The following PCED1B variants were observed in gnomAD, a reference collection of about 807,000 sequenced individuals.
PCED1B encodes the protein PC-esterase domain-containing protein 1B.
For missense variants in PCED1B, 573 were observed against 573.9 expected, an observed-to-expected ratio of 1.00 and a Z score of 0.02; for synonymous variants, 251 against 246.1, an observed-to-expected ratio of 1.02 and a Z score of -0.19.
chr12:47,231,447 A>G (rs1943805296), intron 3 of PCED1B, among the ~76,000 whole-genome samples: 1 of 152,050 alleles, frequency 6.6e-6, no homozygotes, highest in South Asian at 2.1e-4. Context: ...CAGTAAGTTT[A>G]TTTATACAGC....
intron 2 of PCED1B, among the ~76,000 whole-genome samples, chr12:47,177,620 G>A (rs1290052699): frequency 6.6e-6 from 1 of 152,022 alleles, no homozygotes. Flanking sequence ...TGGGGTGGGG[G>A]GTGGCAACTA....
At chr12:47,161,383 A>G (rs1351167410) in intron 2 of PCED1B, among the ~76,000 whole-genome samples, 1 of 152,160 alleles carries the variant, frequency 6.6e-6, no homozygotes, top group East Asian at 1.9e-4. Flanking sequence ...ATTTCACCAC[A>G]TATGTGAGGG....
intron 2 of PCED1B, among the ~76,000 whole-genome samples, chr12:47,215,812 T>C: frequency 7.4e-6 from 1 of 135,014 alleles, no homozygotes; most frequent in South Asian, 2.3e-4. Context: ...CCCAGCACTT[T>C]GGGAGGCCAA....
At chr12:47,194,407 T>G in intron 2 of PCED1B, among the ~76,000 whole-genome samples, 1 of 152,180 alleles carries the variant, frequency 6.6e-6, no homozygotes, top group East Asian at 1.9e-4. Flanking sequence ...ACTCCTGACC[T>G]CGTGATCCAC....
At chr12:47,152,077 T>G (rs899571473) in intron 2 of PCED1B, among the ~76,000 whole-genome samples, 16 of 152,156 alleles carry the variant, frequency 1.1e-4, no homozygotes, top group African/African-American at 3.9e-4. Context: ...ATGATAGAAA[T>G]AGAAAATCAT....
chr12:47,175,044 A>G (rs1039196298), intron 2 of PCED1B, among the ~76,000 whole-genome samples: 2 of 152,222 alleles, frequency 1.3e-5, no homozygotes, highest in Non-Finnish European at 2.9e-5. Context: ...TATCTAGATA[A>G]TATACATCTA....
chr12:47,165,735 G>A (rs1941523876), intron 2 of PCED1B, among the ~76,000 whole-genome samples: 1 of 152,096 alleles, frequency 6.6e-6, no homozygotes. Flanking sequence ...TGGATTTAAG[G>A]CTGTCTTTGG....
chr12:47,221,639 A>G (rs1455808570), intron 3 of PCED1B, among the ~76,000 whole-genome samples: 1 of 152,244 alleles, frequency 6.6e-6, no homozygotes, highest in African/African-American at 2.4e-5. Context: ...CAGTGCTTCA[A>G]GAAAAATTAT....
chr12:47,202,595 A>T lies in PCED1B; in HGVS notation c.-525-13627A>T, dbSNP rs998302606. On this transcript the variant is annotated intron_variant, in intron 2 of 3. Coordinates refer to ENST00000546455, the MANE Select transcript of PCED1B (RefSeq NM_138371.3). ...GACTCCTTCACGTCTAGACATTAGT[A>T]AAAAAAAAAAAAAAAAAAAAAAAAG... Among the ~76,000 whole-genome samples, 7 of 67,146 alleles carry T rather than the reference A, an allele frequency of 1.0e-4. No individual in the cohort carries two copies. In the South Asian group the frequency reaches 5.3e-3, roughly 51 times the overall value. 44.1% of individuals were successfully genotyped at this position (67,146 alleles called of 152,430 possible). A position where few individuals can be genotyped will look rare whatever the true frequency, so the allele number is the denominator to read the frequency against.
At chr12:47,154,940 T>A (rs1941142710) in intron 2 of PCED1B, among the ~76,000 whole-genome samples, 1 of 152,082 alleles carries the variant, frequency 6.6e-6, no homozygotes, top group Non-Finnish European at 1.5e-5. Flanking sequence ...AAACTAAGTA[T>A]TTTTTGTTTT....
intron 2 of PCED1B, among the ~76,000 whole-genome samples, chr12:47,124,881 A>G (rs4768139): frequency 0.26 from 38,886 of 151,812 alleles, 5,947 homozygotes; most frequent in East Asian, 0.45. Context: ...TGTATGATAG[A>G]GTTGTGGGAG....
intron 2 of PCED1B, among the ~76,000 whole-genome samples, chr12:47,106,704 C>T (rs1306392747): frequency 2.6e-5 from 4 of 152,146 alleles, no homozygotes; most frequent in African/African-American, 4.8e-5. Context: ...CCCTCCTCCC[C>T]GCTTCTCTAT....
chr12:47,167,564 C>A (rs895753375), intron 2 of PCED1B, among the ~76,000 whole-genome samples: 2 of 151,954 alleles, frequency 1.3e-5, no homozygotes, highest in Non-Finnish European at 2.9e-5. Context: ...ACACGTGTAC[C>A]CAGTTGTGCT....
chr12:47,224,120 A>C (rs180712121), intron 3 of PCED1B: 7 of 152,358 alleles, frequency 4.6e-5, no homozygotes, highest in Admixed American at 4.6e-4. Context: ...ACCATCATGT[A>C]GAGGTTTACT....
rs1943995349 is a variant in PCED1B at position 47,236,606 on chromosome 12, C to T, written c.*244C>T. On this transcript the variant is annotated 3_prime_UTR_variant, in exon 4 of 4. Coordinates refer to ENST00000546455, the MANE Select transcript of PCED1B (RefSeq NM_138371.3). Reference sequence around the variant, plus strand: ...CAGCGTTATTCCTGCCTCCTCACTCCTATTCTCTTTGCCTTTGTGTAAAAA... The same window carrying T: ...CAGCGTTATTCCTGCCTCCTCACTCTTATTCTCTTTGCCTTTGTGTAAAAA... The T allele has an allele frequency of 2.2e-6, 1 of 444,706 alleles. No individual in the cohort carries two copies. The highest frequency in any genetic ancestry group is 4.1e-6 in the Non-Finnish European group (1 of 245,534). The allele number at this position is 444,706 out of a possible 1,614,324, so 27.5% of individuals were successfully genotyped here. A position where few individuals can be genotyped will look rare whatever the true frequency, so the allele number is the denominator to read the frequency against.
intron 2 of PCED1B, among the ~76,000 whole-genome samples, chr12:47,169,099 T>C (rs1051451092): frequency 3.9e-5 from 6 of 152,198 alleles, no homozygotes; most frequent in Non-Finnish European, 8.8e-5. Context: ...CAAATTTATT[T>C]AAAATCTGTT....
intron 2 of PCED1B, chr12:47,135,856 G>A (rs991776595): frequency 4.5e-5 from 20 of 445,596 alleles, no homozygotes; most frequent in East Asian, 4.3e-4. Context: ...TTGGTGGAGC[G>A]GCCGGTGTTG....
chr12:47,177,707 ACTT>A (rs1250087206), intron 2 of PCED1B, among the ~76,000 whole-genome samples: 1 of 152,192 alleles, frequency 6.6e-6, no homozygotes, highest in Non-Finnish European at 1.5e-5. Context: ...TAATCCCAGC[ACTT>A]TGGGAGGCCA....
chr12:47,089,461 C>CATGTGTATATATATATATATATAT (rs1233280547), intron 1 of PCED1B, among the ~76,000 whole-genome samples: 1 of 63,398 alleles, frequency 1.6e-5, no homozygotes, highest in Non-Finnish European at 2.9e-5. Flanking sequence ...AAAAAAAATA[C>CATGTGTATATATATATATATATAT]ATATATATAT....
Sources: gnomAD v4.1 joint callset for allele counts (sites outside exome capture counted in the v4.1 genomes callset) on GRCh38, gnomAD v4.1.1 for gene constraint, MANE v1.5 for transcripts, NCBI Gene and HGNC (gene_info 2026-07-23, HGNC 2026-07-21) for gene names.